The following CTNNA2 variants were observed in gnomAD, a reference collection of about 807,000 sequenced individuals.
CTNNA2 encodes the protein catenin alpha-2.
Under a neutral mutation model 101.0 loss-of-function variants are expected in CTNNA2, and 42 were observed. The observed-to-expected ratio is 0.42, with a 90% CI of 0.32 to 0.54. The LOEUF (loss-of-function observed/expected upper bound fraction) is 0.54, where lower values mean the gene tolerates loss of function less well. Among genes scored for constraint, CTNNA2 ranks in the 20% least tolerant of loss-of-function variants. The probability of loss-of-function intolerance (pLI) is 0.14; values close to 1 mark genes in which losing one functional copy is unlikely to be tolerated. For missense variants in CTNNA2, 871 were observed against 1,223.1 expected, an observed-to-expected ratio of 0.71 and a Z score of 4.29; for synonymous variants, 450 against 456.4, an observed-to-expected ratio of 0.99 and a Z score of 0.18.
intron 7 of CTNNA2, among the ~76,000 whole-genome samples, chr2:79,964,454 T>C (rs533684276): frequency 6.6e-6 from 1 of 152,318 alleles, no homozygotes; most frequent in East Asian, 1.9e-4. Context: ...GATATTACTT[T>C]TCCCCTTTTA....
rs546716007 is a variant in CTNNA2 at position 80,532,880 on chromosome 2, C to T, written c.1291-12102C>T. ...CATCTTTTTCTAGGTAAACCAACAGCGATAAGAAAGAGCTGTACCCCAGAG... is the reference window on the plus strand; with the variant it reads ...CATCTTTTTCTAGGTAAACCAACAGTGATAAGAAAGAGCTGTACCCCAGAG... On this transcript the variant is annotated intron_variant, in intron 9 of 18. Transcript: ENST00000402739. 2.2e-3 allele frequency among the ~76,000 whole-genome samples: 338 copies of T among 151,930 alleles called. 2 individuals are homozygous for T. Among genetic ancestry groups the T allele is most frequent in the South Asian group, 5.0e-3 (24 of 4,798 alleles).
intron 18 of CTNNA2, among the ~76,000 whole-genome samples, chr2:80,629,346 A>C (rs1421072948): frequency 6.6e-6 from 1 of 152,158 alleles, no homozygotes; most frequent in Non-Finnish European, 1.5e-5. Flanking sequence ...AGAAAGGAAT[A>C]ACCTCAATAG....
intron 6 of CTNNA2, among the ~76,000 whole-genome samples, chr2:79,902,741 C>A (rs965088404): frequency 6.6e-6 from 1 of 152,058 alleles, no homozygotes; most frequent in Non-Finnish European, 1.5e-5. Flanking sequence ...ATTCTCCTGC[C>A]TCAGCCTCCC....
intron 9 of CTNNA2, among the ~76,000 whole-genome samples, chr2:80,501,955 G>A (rs1455082413): frequency 6.6e-6 from 1 of 152,116 alleles, no homozygotes; most frequent in Non-Finnish European, 1.5e-5. Flanking sequence ...TTTTGTCAGA[G>A]GTTGGTTTCT....
chr2:79,402,034 T>C (rs1041289406), intron 4 of CTNNA2, among the ~76,000 whole-genome samples: 4 of 151,666 alleles, frequency 2.6e-5, no homozygotes, highest in Admixed American at 2.6e-4. Context: ...AGACAAAATA[T>C]ACTTTAAGAC....
chr2:79,581,316 A>G (rs1200786014), intron 1 of CTNNA2, among the ~76,000 whole-genome samples: 3 of 152,182 alleles, frequency 2.0e-5, no homozygotes, highest in Admixed American at 6.5e-5. Flanking sequence ...GCTTGAGGTC[A>G]GGAGTTAGAG....
chr2:80,420,922 C>A (rs1009856333), intron 9 of CTNNA2, among the ~76,000 whole-genome samples: 1 of 152,228 alleles, frequency 6.6e-6, no homozygotes, highest in Admixed American at 6.5e-5. Flanking sequence ...AGAGCTAAAA[C>A]TAGGGTAATA....
chr2:80,157,960 C>G (rs75875471), intron 7 of CTNNA2, among the ~76,000 whole-genome samples: 4,756 of 152,228 alleles, frequency 0.031, 82 homozygotes, highest in African/African-American at 0.048. Flanking sequence ...AATTCAAGCT[C>G]TTTTGTCATC....
At chr2:79,537,270 T>C (rs1255703552) in intron 1 of CTNNA2, among the ~76,000 whole-genome samples, 1 of 152,172 alleles carries the variant, frequency 6.6e-6, no homozygotes, top group Non-Finnish European at 1.5e-5. Flanking sequence ...AATCAAATGC[T>C]CATCAGCCTG....
At chr2:80,372,818 G>T (rs903213942) in intron 7 of CTNNA2, among the ~76,000 whole-genome samples, 1 of 152,036 alleles carries the variant, frequency 6.6e-6, no homozygotes, top group African/African-American at 2.4e-5. Context: ...TCCCAAGTGG[G>T]AAAATTTTGC....
chr2:80,016,131 A>C (rs1442528600), intron 7 of CTNNA2, among the ~76,000 whole-genome samples: 1 of 152,244 alleles, frequency 6.6e-6, no homozygotes, highest in Non-Finnish European at 1.5e-5. Context: ...CTGAGCATTT[A>C]GTGACCAAGA....
At chr2:79,382,947 C>A (rs140446813) in intron 4 of CTNNA2, among the ~76,000 whole-genome samples, 1 of 152,138 alleles carries the variant, frequency 6.6e-6, no homozygotes, top group African/African-American at 2.4e-5. Flanking sequence ...TGTCTTATCT[C>A]GGAGTATTTA....
chr2:80,177,276 C>A (rs1047271452), intron 7 of CTNNA2, among the ~76,000 whole-genome samples: 1 of 152,122 alleles, frequency 6.6e-6, no homozygotes, highest in Non-Finnish European at 1.5e-5. Context: ...GGATGGTAGT[C>A]TCGGCAGAAG....
At chr2:80,286,299 C>A (rs1412116928) in intron 7 of CTNNA2, among the ~76,000 whole-genome samples, 1 of 152,008 alleles carries the variant, frequency 6.6e-6, no homozygotes, top group Admixed American at 6.6e-5. Flanking sequence ...TTCTTCTTTT[C>A]CCCCCGCCCC....
intron 9 of CTNNA2, among the ~76,000 whole-genome samples, chr2:80,542,513 C>CT (rs1289274252): frequency 6.6e-6 from 1 of 151,798 alleles, no homozygotes; most frequent in African/African-American, 2.4e-5. Flanking sequence ...GTCACTCTTT[C>CT]TTTTTTTAAT....
In CTNNA2 at chr2:80,288,976, A is replaced by G. The variant is rs1675005151; in HGVS notation, c.1057-104235A>G. 3.3e-5 allele frequency: 5 copies of G among 152,294 alleles called. No homozygotes were observed. In the South Asian group the frequency reaches 1.0e-3, roughly 32 times the overall value. 9.4% of individuals were successfully genotyped at this position (152,294 alleles called of 1,614,324 possible). On this transcript the variant is annotated intron_variant, in intron 7 of 18. Transcript: ENST00000402739. ...CTCATGGGCCGACAGATATGGGACC[A>G]CAGTAGTAGCCTTTGTGTGAGGGTT...
chr2:80,585,083 T>G (rs1695863706), intron 14 of CTNNA2, among the ~76,000 whole-genome samples: 1 of 152,146 alleles, frequency 6.6e-6, no homozygotes, highest in African/African-American at 2.4e-5. Flanking sequence ...ATAAACATTC[T>G]TGTACTTGAA....
At chr2:80,499,311 A>G (rs994829809) in intron 9 of CTNNA2, among the ~76,000 whole-genome samples, 3 of 152,188 alleles carry the variant, frequency 2.0e-5, no homozygotes, top group Non-Finnish European at 4.4e-5. Context: ...TGCTGTATCT[A>G]TGCTGCAGTG....
At chr2:79,217,747 A>T (rs1674285213) in intron 2 of CTNNA2, among the ~76,000 whole-genome samples, 2 of 152,340 alleles carry the variant, frequency 1.3e-5, no homozygotes, top group Admixed American at 1.3e-4. Flanking sequence ...AAAGCCTATG[A>T]CACCTACAGC....
Sources: gnomAD v4.1 joint callset for allele counts (sites outside exome capture counted in the v4.1 genomes callset) on GRCh38, gnomAD v4.1.1 for gene constraint, MANE v1.5 for transcripts, NCBI Gene and HGNC (gene_info 2026-07-23, HGNC 2026-07-21) for gene names.